ZNF285: variants seen among roughly 807,000 people sequenced by gnomAD.
ZNF285 encodes the protein zinc finger protein 285.
In ZNF285, 4 loss-of-function variants were observed where a neutral mutation model predicts 6.2. The observed-to-expected ratio is 0.65, with a 90% CI of 0.32 to 1.49. The LOEUF is 1.49. Ranked by LOEUF, ZNF285 falls within the 40% of genes most tolerant of loss-of-function variation. The probability of loss-of-function intolerance (pLI) is 0.07; values close to 1 mark genes in which losing one functional copy is unlikely to be tolerated. For missense variants in ZNF285, 695 were observed against 708.8 expected (o/e 0.98, Z 0.22); for synonymous variants, 240 against 245.8 (o/e 0.98, Z 0.22).
At chr19:44,401,117 A>T (rs1971368841) in intron 1 of ZNF285, among the ~76,000 whole-genome samples, 1 of 152,148 alleles carries the variant, frequency 6.6e-6, no homozygotes, top group East Asian at 1.9e-4. Flanking sequence ...AGAACAGCCG[A>T]AGCCATCCTC....
At chr19:44,390,743 CA>C (rs1280250592) in intron 3 of ZNF285, among the ~76,000 whole-genome samples, 1 of 151,726 alleles carries the variant, frequency 6.6e-6, no homozygotes, top group Non-Finnish European at 1.5e-5. Context: ...TTGTAACTCC[CA>C]AAATTCCCAT....
At chr19:44,391,384 G>A (rs4255877) in intron 3 of ZNF285, among the ~76,000 whole-genome samples, 38,835 of 151,786 alleles carry the variant, frequency 0.26, 8,149 homozygotes, top group African/African-American at 0.55. Flanking sequence ...GTAACTATCT[G>A]TATTAGTCCA....
intron 1 of ZNF285, among the ~76,000 whole-genome samples, chr19:44,397,458 A>C (rs1971301223): frequency 6.6e-6 from 1 of 152,014 alleles, no homozygotes; most frequent in Admixed American, 6.6e-5. Context: ...CCACTGTGTA[A>C]CTCCTATCTC....
chr19:44,396,042 T>C (rs183837030), intron 2 of ZNF285, among the ~76,000 whole-genome samples: 1 of 152,280 alleles, frequency 6.6e-6, no homozygotes. Flanking sequence ...ATAGAAAATG[T>C]ACCTAATGAA....
intron 2 of ZNF285, among the ~76,000 whole-genome samples, chr19:44,394,081 T>TA (rs968119783): frequency 6.6e-6 from 1 of 151,822 alleles, no homozygotes. Flanking sequence ...TATGCAGCCA[T>TA]AAAAAAATGA....
intron 2 of ZNF285, chr19:44,394,473 A>G: frequency 2.1e-6 from 1 of 487,410 alleles, no homozygotes; most frequent in Non-Finnish European, 3.6e-6. Context: ...GGGTGACAAA[A>G]TTTTACACCA....
At chr19:44,391,716 C>T (rs200752774) in intron 3 of ZNF285, among the ~76,000 whole-genome samples, 15 of 152,004 alleles carry the variant, frequency 9.9e-5, no homozygotes, top group South Asian at 4.2e-4. Flanking sequence ...CAATTCAAGA[C>T]GAGACTTGGG....
intron 3 of ZNF285, among the ~76,000 whole-genome samples, chr19:44,389,259 T>C (rs2916594): frequency 0.01 from 1,434 of 137,800 alleles, 25 homozygotes; most frequent in African/African-American, 0.035. Flanking sequence ...CAGAAGAGGA[T>C]GATCATATTC....
rs2571089 is a variant in ZNF285 at position 44,387,622 on chromosome 19, C to G, written c.623G>C (p.Ser208Thr). 2,646 of 1,613,714 alleles carry G rather than the reference C, an allele frequency of 1.6e-3. 39 individuals are homozygous for G. The African/African-American group carries it at 0.031, about 19-fold the overall frequency. Residue 208 changes from serine (S) to threonine (T), a missense_variant, in exon 4 of 4, where the codon AGC becomes ACC. Physicochemically the swap from Ser to Thr is moderately conservative, Grantham distance 58 (BLOSUM62 1). Transcript: ENST00000614994. ...TTTCATACCCAAGTTTTTCCCACAG[C>G]TGGGATGTCTACCAGGGTCCTCTCC... is the stretch of plus-strand genomic sequence containing the variant. ...CKGEDPGRHPSCGKNLGMKST... is the reference protein window; with the variant it reads ...CKGEDPGRHPTCGKNLGMKST...
chr19:44,399,853 T>C (rs1168786347), intron 1 of ZNF285, among the ~76,000 whole-genome samples: 26 of 152,020 alleles, frequency 1.7e-4, no homozygotes, highest in East Asian at 1.4e-3. Flanking sequence ...GCCATTATAA[T>C]ACCTGGGCCT....
rs186080034 is a variant in ZNF285, at chr19:44,386,106, C to A, written c.*366G>T. 2.3e-3 allele frequency: 424 copies of A among 186,774 alleles called. 4 individuals are homozygous for A. The highest frequency in any genetic ancestry group is 8.3e-3 in the African/African-American group (356 of 42,754). 11.6% of individuals were successfully genotyped at this position (186,774 alleles called of 1,614,324 possible). A position where few individuals can be genotyped will look rare whatever the true frequency, so the allele number is the denominator to read the frequency against. On this transcript the variant is annotated 3_prime_UTR_variant, in exon 4 of 4. Transcript: ENST00000614994. ...ACAGAGAGTATTTTTCTACTGGGGA[C>A]TAAAAAAAAATCTAAAGACGTTGGC...
Position 44,383,363 on chromosome 19 carries a change from C to T in ZNF285, c.*3109G>A, listed in dbSNP as rs2722756. On this transcript the variant is annotated 3_prime_UTR_variant, in exon 4 of 4. Transcript: ENST00000614994. ...TCATTGAGCCTGTTCCCTGATGAGG[C>T]CTTAAGAGATCACAGCTTTTGCCCT... The T allele has an allele frequency of 0.17, 26,527 of 152,078 alleles. 2,646 individuals carry two copies. Among genetic ancestry groups the T allele is most frequent in the East Asian group, 0.46 (2,380 of 5,150 alleles). 9.4% of individuals were successfully genotyped at this position (152,078 alleles called of 1,614,324 possible). A position where few individuals can be genotyped will look rare whatever the true frequency, so the allele number is the denominator to read the frequency against.
intron 3 of ZNF285, chr19:44,392,092 A>G (rs1273906764): frequency 8.5e-6 from 10 of 1,176,142 alleles, no homozygotes; most frequent in Non-Finnish European, 9.8e-6. Flanking sequence ...GGGAGGGCTT[A>G]CTTCCTGCAC....
rs1971106521 is a variant in ZNF285, at chr19:44,387,351, T to C, written c.894A>G (p.Lys298=). 1 of 1,614,176 alleles carries C rather than the reference T, an allele frequency of 6.2e-7. No homozygotes were observed. Among genetic ancestry groups the C allele is most frequent in the Non-Finnish European group, 8.5e-7 (1 of 1,180,028 alleles). ...GATATCTGGGAAGGTCTGAGCTCTG[T>C]TTGCAGCCCATAGGCCATTCGTGGA... is the stretch of plus-strand genomic sequence containing the variant. ...YEFHEWPMGC[K]QSSDLPRYQK... The change falls in exon 4 of 4, where the codon AAA becomes AAG. Residue 298 remains lysine, a synonymous_variant. Coordinates refer to ENST00000614994, the MANE Select transcript of ZNF285 (RefSeq NM_152354.6).
In ZNF285 at chr19:44,383,283, A is replaced by G. The variant is rs1361562938; in HGVS notation, c.*3189T>C. On this transcript the variant is annotated 3_prime_UTR_variant, in exon 4 of 4. Transcript: ENST00000614994. Reference sequence around the variant, plus strand: ...TTTTATTTTGTCTTAATCTCACCCCATGAATCTGGGCCAGTGTTGTGACTT... The same window carrying G: ...TTTTATTTTGTCTTAATCTCACCCCGTGAATCTGGGCCAGTGTTGTGACTT... The G allele has an allele frequency of 6.6e-6, 1 of 152,122 alleles. No homozygotes were observed. Among genetic ancestry groups the G allele is most frequent in the Admixed American group, 6.5e-5 (1 of 15,268 alleles). 9.4% of individuals were successfully genotyped at this position (152,122 alleles called of 1,614,324 possible).
chr19:44,386,320 T>C lies in ZNF285; in HGVS notation c.*152A>G, dbSNP rs1971068338. 1.2e-6 allele frequency: 1 copy of C among 830,902 alleles called. No individual in the cohort carries two copies. The highest frequency in any genetic ancestry group is 1.7e-5 in the African/African-American group (1 of 58,308). 51.5% of individuals were successfully genotyped at this position (830,902 alleles called of 1,614,324 possible). A position where few individuals can be genotyped will look rare whatever the true frequency, so the allele number is the denominator to read the frequency against. On this transcript the variant is annotated 3_prime_UTR_variant, in exon 4 of 4. Transcript: ENST00000614994. ...AGAAGTTCTTGAAATCCACAGTCCTTGCCTGGCACACTTCAGTGCTGCAGG... is the reference window on the plus strand; with the variant it reads ...AGAAGTTCTTGAAATCCACAGTCCTCGCCTGGCACACTTCAGTGCTGCAGG...
At chr19:44,390,043 C>T (rs1399155821) in intron 3 of ZNF285, among the ~76,000 whole-genome samples, 3 of 152,188 alleles carry the variant, frequency 2.0e-5, no homozygotes, top group African/African-American at 7.2e-5. Flanking sequence ...CAAATCTCTT[C>T]TTGAATTGTA....
chr19:44,396,041 G>T (rs180905957), intron 2 of ZNF285, among the ~76,000 whole-genome samples: 36 of 152,274 alleles, frequency 2.4e-4, no homozygotes, highest in Admixed American at 2.3e-3. Flanking sequence ...GATAGAAAAT[G>T]TACCTAATGA....
rs56735186 is a variant in ZNF285 at position 44,385,000 on chromosome 19, CAAAAAAA to C, written c.*1465_*1471del. On this transcript the variant is annotated 3_prime_UTR_variant, in exon 4 of 4. Coordinates refer to ENST00000614994, the MANE Select transcript of ZNF285 (RefSeq NM_152354.6). ...GGGTGACACAGCAAGACCCTGTTTCCAAAAAAAAAAAAAAAAAAAAAAAGCAAAGAGA... is the reference window on the plus strand; with the variant it reads ...GGGTGACACAGCAAGACCCTGTTTCCAAAAAAAAAAAAAAAAGCAAAGAGA... 3,529 of 64,476 alleles carry C rather than the reference CAAAAAAA, an allele frequency of 0.055. 75 individuals carry two copies. Among genetic ancestry groups the C allele is most frequent in the Non-Finnish European group, 0.074 (2,538 of 34,524 alleles). 4.0% of individuals were successfully genotyped at this position (64,476 alleles called of 1,614,324 possible). A position where few individuals can be genotyped will look rare whatever the true frequency, so the allele number is the denominator to read the frequency against.
Sources: gnomAD v4.1 joint callset for allele counts (sites outside exome capture counted in the v4.1 genomes callset) on GRCh38, gnomAD v4.1.1 for gene constraint, MANE v1.5 for transcripts, NCBI Gene and HGNC (gene_info 2026-07-23, HGNC 2026-07-21) for gene names.